MAX: variants seen among roughly 807,000 people sequenced by gnomAD.
MAX encodes the protein protein max.
A neutral mutation model predicts 22.3 loss-of-function variants in MAX; 3 were observed. The observed-to-expected ratio is 0.13, with a 90% confidence interval of 0.06 to 0.35. The LOEUF (loss-of-function observed/expected upper bound fraction) is 0.35. Ranked by LOEUF, MAX falls within the 10% of genes least tolerant of loss-of-function variation. MAX has a pLI of 1.00. For synonymous variants in MAX, 72 were observed against 77.7 expected (o/e 0.93, Z 0.39); for missense variants, 119 against 209.4 (o/e 0.57, Z 2.66).
chr14:65,097,505 C>G (rs542215567), intron 2 of MAX, among the ~76,000 whole-genome samples: 33 of 152,204 alleles, frequency 2.2e-4, no homozygotes, highest in Non-Finnish European at 4.1e-4. Context: ...TGACAGCTAA[C>G]CCCACCTATA....
Position 65,034,489 on chromosome 14 carries a change from C to T in MAX, c.172-28205G>A, listed in dbSNP as rs764297383. Among the ~76,000 whole-genome samples, 33 of 152,310 alleles carry T rather than the reference C, an allele frequency of 2.2e-4. 1 individual carries two copies. Among genetic ancestry groups the T allele is most frequent in the Middle Eastern group, 3.4e-3 (1 of 294 alleles). On this transcript the variant is annotated intron_variant, in intron 3 of 3. Transcript: ENST00000341653. ...GGCAATGGTATAAACTGTAGTCTTT[C>T]TGAATTTTGTAAGCATTGCTTCATT... is the stretch of plus-strand genomic sequence containing the variant.
intron 3 of MAX, among the ~76,000 whole-genome samples, chr14:65,056,338 C>G (rs2062736355): frequency 6.6e-6 from 1 of 152,170 alleles, no homozygotes; most frequent in Non-Finnish European, 1.5e-5. Context: ...TTTGCTATTA[C>G]AGTGTTGCAG....
chr14:65,046,402 T>C (rs1196210427), intron 3 of MAX, among the ~76,000 whole-genome samples: 1 of 152,238 alleles, frequency 6.6e-6, no homozygotes, highest in African/African-American at 2.4e-5. Flanking sequence ...TAAGACTCAG[T>C]AATTCTGCAA....
chr14:65,102,583 GC>G (rs1297214304), upstream of MAX: 2 of 1,423,644 alleles, frequency 1.4e-6, no homozygotes, highest in Non-Finnish European at 1.8e-6. Context: ...GGCTCGCAGC[GC>G]TGGGGCAGCC....
chr14:65,026,844 C>T lies in MAX; in HGVS notation c.172-20560G>A, dbSNP rs372528938. Among the ~76,000 whole-genome samples, 9 of 151,098 alleles carry T rather than the reference C, an allele frequency of 6.0e-5. No individual in the cohort carries two copies. The South Asian group carries it at 8.4e-4, about 14-fold the overall frequency. ...ACCACTGCACTGCAGCCTGGGCGAC[C>T]GAGGGCAACCCCGCCTCAAAAAAAA... On this transcript the variant is annotated intron_variant, in intron 3 of 3. Coordinates refer to the MAX transcript ENST00000341653.
intron 3 of MAX, among the ~76,000 whole-genome samples, chr14:65,022,970 T>G (rs1165518970): frequency 6.6e-6 from 1 of 152,228 alleles, no homozygotes; most frequent in Non-Finnish European, 1.5e-5. Context: ...GGTTTCTGAT[T>G]TGTTTTGCTG....
chr14:65,016,369 C>T (rs1209257910), intron 3 of MAX: 2 of 152,234 alleles, frequency 1.3e-5, no homozygotes, highest in Admixed American at 6.5e-5. Context: ...GATCATGACT[C>T]CAGTCCTAGG....
chr14:65,010,527 T>G (rs1256490033), intron 3 of MAX, among the ~76,000 whole-genome samples: 1 of 152,166 alleles, frequency 6.6e-6, no homozygotes, highest in African/African-American at 2.4e-5. Context: ...CCCAACTGGG[T>G]CAGCTCCTCA....
chr14:65,050,539 T>C (rs887932498), intron 3 of MAX, among the ~76,000 whole-genome samples: 2 of 152,076 alleles, frequency 1.3e-5, no homozygotes, highest in African/African-American at 4.8e-5. Context: ...TGCAGTGAGC[T>C]GAGATCACAC....
intron 3 of MAX, among the ~76,000 whole-genome samples, chr14:65,025,630 C>T (rs996803115): frequency 6.6e-6 from 1 of 151,996 alleles, no homozygotes; most frequent in Non-Finnish European, 1.5e-5. Flanking sequence ...GCCTGGGCAA[C>T]ATGGCGAAAC....
chr14:65,095,176 G>A (rs2139901548), intron 2 of MAX, among the ~76,000 whole-genome samples: 1 of 152,338 alleles, frequency 6.6e-6, no homozygotes, highest in East Asian at 1.9e-4. Context: ...AGTCATCTGA[G>A]TTACTTCCTG....
chr14:65,051,761 T>A (rs991225712), intron 3 of MAX, among the ~76,000 whole-genome samples: 3 of 152,176 alleles, frequency 2.0e-5, no homozygotes, highest in African/African-American at 7.2e-5. Context: ...GGAAAGGTTA[T>A]TGATACCATA....
chr14:65,008,041 T>C (rs1222639077), intron 3 of MAX, among the ~76,000 whole-genome samples: 1 of 152,202 alleles, frequency 6.6e-6, no homozygotes. Flanking sequence ...TGATACAATT[T>C]TAGAATTTCC....
downstream of MAX, among the ~76,000 whole-genome samples, chr14:65,071,154 T>C (rs754643262): frequency 6.6e-6 from 1 of 152,196 alleles, no homozygotes; most frequent in Non-Finnish European, 1.5e-5. This position sits in a 1 kb window ranked among gnomAD's most constrained non-coding sequence, Gnocchi z 4.2. Context: ...ACATTTTTTT[T>C]TTTCTGAGAA....
chr14:65,064,216 G>A (rs2062908488), intron 3 of MAX, among the ~76,000 whole-genome samples: 1 of 152,196 alleles, frequency 6.6e-6, no homozygotes, highest in African/African-American at 2.4e-5. Flanking sequence ...TTAGTGTCAA[G>A]TGACAAATAG....
chr14:65,087,331 T>C (rs1484551210), intron 3 of MAX, among the ~76,000 whole-genome samples: 1 of 152,066 alleles, frequency 6.6e-6, no homozygotes, highest in African/African-American at 2.4e-5. Flanking sequence ...CCCAGAATGG[T>C]AGATCCACTG....
chr14:65,027,358 G>A lies in MAX; in HGVS notation c.172-21074C>T. 4.5e-6 allele frequency: 7 copies of A among 1,559,046 alleles called. No homozygotes were observed. Among genetic ancestry groups the A allele is most frequent in the Non-Finnish European group, 6.1e-6 (7 of 1,152,382 alleles). On this transcript the variant is annotated intron_variant, in intron 3 of 3. Coordinates refer to the MAX transcript ENST00000341653. The surrounding 1 kb of genome is among the most constrained non-coding windows in gnomAD (Gnocchi z 5.7). The stretch of plus-strand genomic sequence containing the variant: ...GTTCCCCTCAACTTTTGAGGGAGTG[G>A]GGGATCATTGGAAAGGCCTGGAATC...
chr14:65,052,514 T>C (rs566960283), intron 3 of MAX, among the ~76,000 whole-genome samples: 11 of 152,338 alleles, frequency 7.2e-5, no homozygotes, highest in Admixed American at 1.3e-4. Context: ...TGCACACCTG[T>C]CCGTGATTTG....
Position 65,069,767 on chromosome 14 carries a change from G to A in MAX, c.171+23941C>T, listed in dbSNP as rs1044818199. ...GCCACTGACTCTGTGGGGGCTCCCAGTTGGAAATACTTGCTCACCACCACT... is the reference window on the plus strand; with the variant it reads ...GCCACTGACTCTGTGGGGGCTCCCAATTGGAAATACTTGCTCACCACCACT... On this transcript the variant is annotated intron_variant, in intron 3 of 3. Coordinates refer to the MAX transcript ENST00000341653. The surrounding 1 kb of genome is among the most constrained non-coding windows in gnomAD (Gnocchi z 4.6). 4.6e-5 allele frequency among the ~76,000 whole-genome samples: 7 copies of A among 152,226 alleles called. No homozygotes were observed. The highest frequency in any genetic ancestry group is 2.9e-5 in the Non-Finnish European group (2 of 68,032).
Sources: allele counts gnomAD v4.1 joint callset (sites outside exome capture counted in the v4.1 genomes callset), GRCh38; gene constraint gnomAD v4.1.1; non-coding constraint Gnocchi (gnomAD v3.1); transcripts MANE v1.5; gene names NCBI Gene and HGNC (gene_info 2026-07-23, HGNC 2026-07-21).